The following RSPO2 variants were observed in gnomAD, a reference collection of about 807,000 sequenced individuals.
RSPO2 encodes the protein R-spondin-2.
Under a neutral mutation model 30.9 loss-of-function variants are expected in RSPO2, and 14 were observed. That is an observed-to-expected ratio of 0.45 (90% CI 0.30 to 0.71). The LOEUF is 0.71. Ranked by LOEUF, RSPO2 falls within the 30% of genes least tolerant of loss-of-function variation. RSPO2 has a pLI of 0.08. For missense variants in RSPO2, 264 were observed against 301.9 expected (o/e 0.87, Z 0.93); for synonymous variants, 107 against 96.4 (o/e 1.11, Z -0.64).
intron 2 of RSPO2, among the ~76,000 whole-genome samples, chr8:108,060,480 A>G (rs1812418588): frequency 6.6e-6 from 1 of 151,834 alleles, no homozygotes; most frequent in Non-Finnish European, 1.5e-5. Context: ...AGAAGTTTAG[A>G]GAAAAAAAGA....
At chr8:107,994,485 C>A (rs546987981) in intron 2 of RSPO2, among the ~76,000 whole-genome samples, 4 of 152,052 alleles carry the variant, frequency 2.6e-5, no homozygotes, top group African/African-American at 9.6e-5. Context: ...TAAGTTAATA[C>A]CTGAACCATA....
intron 2 of RSPO2, among the ~76,000 whole-genome samples, chr8:107,990,379 G>T (rs1350883813): frequency 6.6e-6 from 1 of 152,038 alleles, no homozygotes; most frequent in East Asian, 1.9e-4. Context: ...AAATCAACAT[G>T]CAAAACTCAC....
intron 2 of RSPO2, among the ~76,000 whole-genome samples, chr8:108,060,909 C>G (rs1812435953): frequency 6.6e-6 from 1 of 151,736 alleles, no homozygotes; most frequent in Non-Finnish European, 1.5e-5. Flanking sequence ...AATTTTCAAC[C>G]CAGAATTTCA....
At chr8:107,988,949 C>G (rs77904290) in intron 3 of RSPO2, 107 bp downstream of exon 3, 40 of 1,032,988 alleles carry the variant, frequency 3.9e-5, no homozygotes, top group Admixed American at 3.0e-5. Flanking sequence ...TTTCTATCAC[C>G]TATTACAAAC....
At chr8:107,970,242 T>G (rs749334997) in intron 3 of RSPO2, among the ~76,000 whole-genome samples, 1 of 152,206 alleles carries the variant, frequency 6.6e-6, no homozygotes, top group Non-Finnish European at 1.5e-5. Context: ...TTATGAACAT[T>G]GACATTTAAA....
chr8:107,973,415 A>G (rs1199885052), intron 3 of RSPO2, among the ~76,000 whole-genome samples: 1 of 152,086 alleles, frequency 6.6e-6, no homozygotes, highest in Non-Finnish European at 1.5e-5. Context: ...GGTTTGACCT[A>G]TATCGGTCTG....
At chr8:107,950,919 T>A in intron 5 of RSPO2, among the ~76,000 whole-genome samples, 1 of 152,180 alleles carries the variant, frequency 6.6e-6, no homozygotes, top group Non-Finnish European at 1.5e-5. Context: ...CACATACAGC[T>A]CTAGGTTAAT....
At chr8:108,003,293 ATATATATATATATATATATTTT>A (rs1815321718) in intron 2 of RSPO2, among the ~76,000 whole-genome samples, 2 of 72,052 alleles carry the variant, frequency 2.8e-5, no homozygotes, top group Admixed American at 3.1e-4. Context: ...ATATATATAT[ATATATATATATATATATATTTT>A]TTTTTTTTTT....
intron 3 of RSPO2, among the ~76,000 whole-genome samples, chr8:107,962,834 C>T (rs1353755432): frequency 1.3e-5 from 2 of 151,912 alleles, no homozygotes; most frequent in African/African-American, 2.4e-5. Flanking sequence ...GGACTTTACA[C>T]TTCATAAATC....
At chr8:108,082,997 T>G in intron 1 of RSPO2, 190 bp from the exon 2 acceptor site, 1 of 238,260 alleles carries the variant, frequency 4.2e-6, no homozygotes, top group Non-Finnish European at 8.0e-6. Flanking sequence ...AAGGTGATTA[T>G]AATCAGTGAA....
At chr8:107,944,747 G>T (rs994548620) in intron 5 of RSPO2, among the ~76,000 whole-genome samples, 1 of 152,142 alleles carries the variant, frequency 6.6e-6, no homozygotes, top group South Asian at 2.1e-4. Flanking sequence ...CAGCACTTTA[G>T]TTTCCAGTCT....
chr8:107,968,479 T>C (rs1813888107), intron 3 of RSPO2, among the ~76,000 whole-genome samples: 1 of 152,138 alleles, frequency 6.6e-6, no homozygotes, highest in Non-Finnish European at 1.5e-5. Flanking sequence ...AGTGAAGGGC[T>C]ACAATCATAT....
At chr8:107,998,499 C>T (rs1815105470) in intron 2 of RSPO2, among the ~76,000 whole-genome samples, 1 of 152,202 alleles carries the variant, frequency 6.6e-6, no homozygotes, top group African/African-American at 2.4e-5. Context: ...ATTTAAATAT[C>T]AAACCCAGTA....
chr8:107,988,362 A>C lies in RSPO2; in HGVS notation c.283+694T>G, dbSNP rs191619349. Among the ~76,000 whole-genome samples, 573 of 152,168 alleles carry C rather than the reference A, an allele frequency of 3.8e-3. 4 individuals carry two copies. The highest frequency in any genetic ancestry group is 0.013 in the African/African-American group (537 of 41,562). ...CCAACTCAGATAAAAAGAGAAAAAG[A>C]AGCTATAGAAATTGGTAAACCAGAG... On this transcript the variant is annotated intron_variant, in intron 3 of 5. Coordinates refer to ENST00000276659, the MANE Select transcript of RSPO2 (RefSeq NM_178565.5).
intron 5 of RSPO2, among the ~76,000 whole-genome samples, chr8:107,937,206 C>T (rs1190330766): frequency 5.4e-5 from 8 of 148,562 alleles, no homozygotes; most frequent in Non-Finnish European, 8.9e-5. Context: ...CATCCTTCTG[C>T]GTATGGATTC....
chr8:108,023,291 C>T (rs1318880705), intron 2 of RSPO2, among the ~76,000 whole-genome samples: 1 of 152,064 alleles, frequency 6.6e-6, no homozygotes, highest in Admixed American at 6.6e-5. Flanking sequence ...AGAAAAATGT[C>T]CCAGTATTTA....
At chr8:108,043,376 T>C (rs1422818233) in intron 2 of RSPO2, among the ~76,000 whole-genome samples, 1 of 152,180 alleles carries the variant, frequency 6.6e-6, no homozygotes, top group East Asian at 1.9e-4. Flanking sequence ...TCTGCCCATA[T>C]AGAGACCTCC....
At chr8:108,033,179 G>C (rs375989067) in intron 2 of RSPO2, among the ~76,000 whole-genome samples, 2 of 151,728 alleles carry the variant, frequency 1.3e-5, no homozygotes, top group South Asian at 4.2e-4. Flanking sequence ...GATATTACAA[G>C]TGTAAGCCAC....
At position 108,001,932 on chromosome 8, in the gene RSPO2, C is replaced by T. The variant is rs183622487; in HGVS notation, c.95-12688G>A. 8.5e-4 allele frequency among the ~76,000 whole-genome samples: 129 copies of T among 152,230 alleles called. 2 individuals are homozygous for T. The highest frequency in any genetic ancestry group is 3.4e-3 in the Middle Eastern group (1 of 292). ...GGATAGCATTAGGAGAAATACCTAA[C>T]GCATGCCGGGCTTAAAACCTAGAAG... On this transcript the variant is annotated intron_variant, in intron 2 of 5. Coordinates refer to ENST00000276659, the MANE Select transcript of RSPO2 (RefSeq NM_178565.5).
Sources: gnomAD v4.1 joint callset for allele counts (sites outside exome capture counted in the v4.1 genomes callset) on GRCh38, gnomAD v4.1.1 for gene constraint, MANE v1.5 for transcripts, NCBI Gene and HGNC (gene_info 2026-07-23, HGNC 2026-07-21) for gene names.